Variants in MATN1 observed in about 807,000 individuals in gnomAD.
The protein encoded by MATN1 is matrilin-1.
Under a neutral mutation model 41.3 loss-of-function variants are expected in MATN1, and 34 were observed. That is an observed-to-expected ratio of 0.82 (90% CI 0.63 to 1.10). The LOEUF (loss-of-function observed/expected upper bound fraction) is 1.10. Ranked by LOEUF, MATN1 falls within the 50% of genes least tolerant of loss-of-function variation. The probability of loss-of-function intolerance (pLI) is 0.00; values close to 1 mark genes in which losing one functional copy is unlikely to be tolerated. For missense variants in MATN1, 602 were observed against 662.4 expected (o/e 0.91, Z 1.00); for synonymous variants, 264 against 278.7 (o/e 0.95, Z 0.53).
At position 30,718,958 on chromosome 1, in the gene MATN1, C is replaced by T; in HGVS notation, c.442-1G>A. 1.3e-6 allele frequency: 2 copies of T among 1,498,240 alleles called. No homozygotes were observed. Among genetic ancestry groups the T allele is most frequent in the South Asian group, 2.5e-5 (2 of 79,856 alleles). The allele number at this position is 1,498,240 out of a possible 1,614,324, so 92.8% of individuals were successfully genotyped here. A position where few individuals can be genotyped will look rare whatever the true frequency, so the allele number is the denominator to read the frequency against. The stretch of plus-strand genomic sequence containing the variant: ...TCCCGTCTGTCACCACGATGACCAC[C>T]TGCGACACGCGGGGCGGTGTGACAC... On this transcript the variant is annotated splice_acceptor_variant, in intron 2 of 7. Transcript: ENST00000373765. LOFTEE classifies it high-confidence loss of function.
rs779181572 is a variant in MATN1, at chr1:30,716,816, A to C, written c.764T>G (p.Leu255Arg). ...YTCACHEGFT[L>R]NSDGKTCNVC... The stretch of plus-strand genomic sequence containing the variant: ...ATTGCAGGTCTTGCCGTCGCTGTTC[A>C]GAGTGAAGCCCTCGTGGCAGGCGCA... The change falls in exon 4 of 8, where the codon CTG becomes CGG. Residue 255 changes from leucine to arginine, a missense_variant. By Grantham distance (102) the Leu-to-Arg change is moderately radical. Transcript: ENST00000373765. The C allele has an allele frequency of 6.2e-7, 1 of 1,613,994 alleles. No homozygotes were observed. The highest frequency in any genetic ancestry group is 1.1e-5 in the South Asian group (1 of 91,072).
intron 3 of MATN1, 56 bp from the exon 4 acceptor site, chr1:30,716,971 G>A: frequency 6.5e-7 from 1 of 1,537,434 alleles, no homozygotes; most frequent in Non-Finnish European, 8.8e-7. Context: ...GGGCACTACA[G>A]ACAGGTTGTC....
chr1:30,716,334 G>T lies in MATN1; in HGVS notation c.791-9C>A. ...ACCACCACCACTGCAGACTGTGGAG[G>T]ACAGGAAGGCAACGGGCTGAAGCTG... On this transcript the variant is annotated splice_polypyrimidine_tract_variant and intron_variant, in intron 4 of 7. Coordinates refer to ENST00000373765, the MANE Select transcript of MATN1 (RefSeq NM_002379.3). 6.2e-7 allele frequency: 1 copy of T among 1,610,316 alleles called. No individual in the cohort carries two copies. The highest frequency in any genetic ancestry group is 8.5e-7 in the Non-Finnish European group (1 of 1,177,076).
At position 30,716,330 on chromosome 1, in the gene MATN1, G is replaced by A. The variant is rs1639618585; in HGVS notation, c.791-5C>T. The A allele has an allele frequency of 6.2e-7, 1 of 1,611,400 alleles. No homozygotes were observed. Among genetic ancestry groups the A allele is most frequent in the African/African-American group, 1.3e-5 (1 of 74,902 alleles). On this transcript the variant is annotated splice_region_variant and splice_polypyrimidine_tract_variant and intron_variant, in intron 4 of 7. Coordinates refer to ENST00000373765, the MANE Select transcript of MATN1 (RefSeq NM_002379.3). ...TGCCACCACCACCACTGCAGACTGT[G>A]GAGGACAGGAAGGCAACGGGCTGAA... is the stretch of plus-strand genomic sequence containing the variant.
In MATN1 at chr1:30,713,456, C is replaced by T. The variant is rs1218250761; in HGVS notation, c.*126G>A. 1.4e-5 allele frequency: 12 copies of T among 855,254 alleles called. No individual in the cohort carries two copies. The highest frequency in any genetic ancestry group is 2.1e-5 in the Admixed American group (1 of 48,308). 53.0% of individuals were successfully genotyped at this position (855,254 alleles called of 1,614,324 possible). A position where few individuals can be genotyped will look rare whatever the true frequency, so the allele number is the denominator to read the frequency against. On this transcript the variant is annotated 3_prime_UTR_variant, in exon 8 of 8. Transcript: ENST00000373765. ...ACACGAGCTCCCAAACGCCATTACA[C>T]GCTCTCAATAGGCACACCCAGACAC...
chr1:30,714,784 G>T (rs1639595046), intron 6 of MATN1, among the ~76,000 whole-genome samples: 1 of 152,176 alleles, frequency 6.6e-6, no homozygotes, highest in South Asian at 2.1e-4. Context: ...CTAAGAACCA[G>T]CTGGTGAGGT....
intron 3 of MATN1, among the ~76,000 whole-genome samples, chr1:30,718,153 TC>T (rs1184462154): frequency 6.7e-6 from 1 of 149,308 alleles, no homozygotes; most frequent in East Asian, 2.0e-4. Context: ...GTAACTCAGT[TC>T]CCGCCGTTTT....
Position 30,721,540 on chromosome 1 carries a change from G to C in MATN1, c.306C>G (p.Ala102=). 6.2e-7 allele frequency: 1 copy of C among 1,613,250 alleles called. No homozygotes were observed. Among genetic ancestry groups the C allele is most frequent in the South Asian group, 1.1e-5 (1 of 91,088 alleles). ...EFSLRAHVSK[A]ALLQAVRRIQ... ...TACGGCGCACAGCCTGCAGCAGTGC[G>C]GCCTTGGAGACATGAGCCCGCAGCG... The change falls in exon 2 of 8, where the codon GCC becomes GCG. Residue 102 remains alanine, a synonymous_variant. Transcript: ENST00000373765.
At chr1:30,719,471 C>G (rs59907243) in intron 2 of MATN1, 1,906 of 154,712 alleles carry the variant, frequency 0.012, 36 homozygotes, top group African/African-American at 0.044. Context: ...AGACCGGGGA[C>G]CCTGGACCAG....
In MATN1 at chr1:30,718,895, G is replaced by A. The variant is rs773609178; in HGVS notation, c.504C>T (p.Ala168=). ...QDSVQDVSAR[A]RASGVELFAI... ...CGAACAGCTCGACGCCGCTGGCCCG[G>A]GCCCGCGCAGACACGTCCTGCACGC... Residue 168 remains alanine, a synonymous_variant, in exon 3 of 8, where the codon GCC becomes GCT. Transcript: ENST00000373765. 14 of 1,585,016 alleles carry A rather than the reference G, an allele frequency of 8.8e-6. No homozygotes were observed. In the South Asian group the frequency reaches 1.6e-4, roughly 18 times the overall value.
In MATN1 at chr1:30,713,415, A is replaced by ACACG; in HGVS notation, c.*163_*166dup. On this transcript the variant is annotated 3_prime_UTR_variant, in exon 8 of 8. Coordinates refer to ENST00000373765, the MANE Select transcript of MATN1 (RefSeq NM_002379.3). ...CACACACACACATGCACACATACACACACGCACACATACACACACGAGCTC... is the reference window on the plus strand; with the variant it reads ...CACACACACACATGCACACATACACACACGCACGCACACATACACACACGAGCTC... 3.0e-6 allele frequency: 2 copies of ACACG among 664,210 alleles called. No homozygotes were observed. The highest frequency in any genetic ancestry group is 3.5e-5 in the South Asian group (2 of 57,212). 41.1% of individuals were successfully genotyped at this position (664,210 alleles called of 1,614,324 possible). A position where few individuals can be genotyped will look rare whatever the true frequency, so the allele number is the denominator to read the frequency against.
rs967781328 is a variant in MATN1 at position 30,713,849 on chromosome 1, T to C, written c.1442-218A>G. On this transcript the variant is annotated intron_variant, in intron 7 of 7. Coordinates refer to ENST00000373765, the MANE Select transcript of MATN1 (RefSeq NM_002379.3). ...CCCTGCTCAGTTGCAGATTTAGACC[T>C]GCTGGGTTCCCCACCTAGTCCTGGC... is the stretch of plus-strand genomic sequence containing the variant. 9.9e-6 allele frequency: 6 copies of C among 604,694 alleles called. No homozygotes were observed. The Admixed American group carries it at 1.7e-4, about 17-fold the overall frequency. 37.5% of individuals were successfully genotyped at this position (604,694 alleles called of 1,614,324 possible).
In MATN1 at chr1:30,718,814, C is replaced by A. The variant is rs1004279089; in HGVS notation, c.585G>T (p.Pro195=). The A allele has an allele frequency of 6.2e-7, 1 of 1,610,018 alleles. No homozygotes were observed. The highest frequency in any genetic ancestry group is 8.5e-7 in the Non-Finnish European group (1 of 1,178,798). The change falls in exon 3 of 8, where the codon CCG becomes CCT. Residue 195 remains proline (P), a synonymous_variant. Coordinates refer to ENST00000373765, the MANE Select transcript of MATN1 (RefSeq NM_002379.3). ...CCACGTAATCGACGTGTTCGTCCTG[C>A]GGCTCGCTGGCGATCTGCCGCAGCG... ...KATLRQIASE[P]QDEHVDYVES... is the part of the protein sequence containing the mutation.
At chr1:30,715,419 G>T in intron 5 of MATN1, 110 bp from the exon 6 acceptor site, 1 of 1,022,608 alleles carries the variant, frequency 9.8e-7, no homozygotes, top group Non-Finnish European at 1.5e-6. Flanking sequence ...CCTGCTGGCA[G>T]CTGCTGGAAT....
At position 30,711,808 on chromosome 1, in the gene MATN1, G is replaced by C. The variant is rs1175525822; in HGVS notation, c.*1774C>G. On this transcript the variant is annotated 3_prime_UTR_variant, in exon 8 of 8. Transcript: ENST00000373765. The stretch of plus-strand genomic sequence containing the variant: ...CTCCCCACCTGTGTGGGGAGGAGAG[G>C]GGAGTGGATAATCTCAGAAGAAAGG... 6.6e-6 allele frequency: 1 copy of C among 152,258 alleles called. No individual in the cohort carries two copies. The allele number at this position is 152,258 out of a possible 1,614,324, so 9.4% of individuals were successfully genotyped here.
In MATN1 at chr1:30,716,854, G is replaced by T; in HGVS notation, c.726C>A (p.Pro242=). 6.2e-7 allele frequency: 1 copy of T among 1,613,690 alleles called. No individual in the cohort carries two copies. The highest frequency in any genetic ancestry group is 8.5e-7 in the Non-Finnish European group (1 of 1,179,892). ...HDCEQVCISS[P]GSYTCACHEG... Reference sequence around the variant, plus strand: ...CGTGGCAGGCGCAGGTGTAGGAACCGGGGGAGCTGATGCACACCTGCTCAC... The same window carrying T: ...CGTGGCAGGCGCAGGTGTAGGAACCTGGGGAGCTGATGCACACCTGCTCAC... The change falls in exon 4 of 8, where the codon CCC becomes CCA. Residue 242 remains proline (P), a synonymous_variant. Transcript: ENST00000373765.
rs1639546583 is a variant in MATN1, at chr1:30,711,780, C to T, written c.*1802G>A. On this transcript the variant is annotated 3_prime_UTR_variant, in exon 8 of 8. Coordinates refer to ENST00000373765, the MANE Select transcript of MATN1 (RefSeq NM_002379.3). The stretch of plus-strand genomic sequence containing the variant: ...GTCCATATCAACATGGCTGCCTCTC[C>T]CCCTCCCCACCTGTGTGGGGAGGAG... The T allele has an allele frequency of 6.6e-6, 1 of 152,250 alleles. No homozygotes were observed. The highest frequency in any genetic ancestry group is 2.4e-5 in the African/African-American group (1 of 41,452). The allele number at this position is 152,250 out of a possible 1,614,324, so 9.4% of individuals were successfully genotyped here.
In MATN1 at chr1:30,721,625, C is replaced by G; in HGVS notation, c.221G>C (p.Gly74Ala). Residue 74 changes from glycine (G) to alanine (A), a missense_variant, in exon 2 of 8, where the codon GGG becomes GCG. By Grantham distance (60) the Gly-to-Ala change is moderately conservative. Coordinates refer to ENST00000373765, the MANE Select transcript of MATN1 (RefSeq NM_002379.3). Reference sequence around the variant, plus strand: ...CATGCCCACCCGGGTGGCATTGGGCCCCACGTCCAGCGACTCGATGACCTG... The same window carrying G: ...CATGCCCACCCGGGTGGCATTGGGCGCCACGTCCAGCGACTCGATGACCTG... ...LSQVIESLDVGPNATRVGMVN... is the reference protein window; with the variant it reads ...LSQVIESLDVAPNATRVGMVN... The G allele has an allele frequency of 1.2e-6, 2 of 1,613,486 alleles. No individual in the cohort carries two copies. The highest frequency in any genetic ancestry group is 1.7e-6 in the Non-Finnish European group (2 of 1,180,032).
chr1:30,720,177 C>T (rs1438759748), intron 2 of MATN1: 2 of 152,206 alleles, frequency 1.3e-5, no homozygotes, highest in Non-Finnish European at 2.9e-5. Flanking sequence ...AGATTGTCCA[C>T]CTTGCTGGGT....
Sources: gnomAD v4.1 joint callset for allele counts (sites outside exome capture counted in the v4.1 genomes callset) on GRCh38, gnomAD v4.1.1 for gene constraint, MANE v1.5 for transcripts, NCBI Gene and HGNC (gene_info 2026-07-23, HGNC 2026-07-21) for gene names.